The following GLIS3 variants were observed in gnomAD, a reference collection of about 807,000 sequenced individuals.
GLIS3 encodes zinc finger protein GLIS3.
In GLIS3, 53 loss-of-function variants were observed where a neutral mutation model predicts 78.6. That is an observed-to-expected ratio of 0.67 (90% CI 0.54 to 0.85). The LOEUF is 0.85. Ranked by LOEUF, GLIS3 falls within the 40% of genes least tolerant of loss-of-function variation. The pLI is 0.00. For missense variants in GLIS3, 1,703 were observed against 1,231.1 expected (o/e 1.38, Z -5.74); for synonymous variants, 684 against 509.9 (o/e 1.34, Z -4.60).
At chr9:4,375,250 A>C in the GLIS3 span, among the ~76,000 whole-genome samples, 7 of 152,262 alleles carry the variant, frequency 4.6e-5, no homozygotes, top group Non-Finnish European at 1.0e-4. Flanking sequence ...AACTCCCAAC[A>C]TCAGAATGAC....
At chr9:4,372,536 T>C in the GLIS3 span, among the ~76,000 whole-genome samples, 1 of 138,286 alleles carries the variant, frequency 7.2e-6, no homozygotes, top group Non-Finnish European at 1.5e-5. Context: ...AATACTCCTC[T>C]GCACAGTGAC....
chr9:4,297,999 G>C (rs1361391280), intron 1 of GLIS3, among the ~76,000 whole-genome samples: 1 of 152,156 alleles, frequency 6.6e-6, no homozygotes, highest in Non-Finnish European at 1.5e-5. Context: ...CTGCGACCCC[G>C]TCACTCCCCC....
chr9:3,828,190 C>G lies in GLIS3; in HGVS notation c.*82G>C. ...CGCTGATTGGGCTGACATCCTTCCT[C>G]AAGCAGTCTGTGAGAGTACGAAAAC... On this transcript the variant is annotated 3_prime_UTR_variant, in exon 11 of 11. Transcript: ENST00000381971. 6.5e-7 allele frequency: 1 copy of G among 1,539,986 alleles called. No individual in the cohort carries two copies. The highest frequency in any genetic ancestry group is 9.0e-7 in the Non-Finnish European group (1 of 1,116,372).
chr9:4,010,647 A>G (rs529888512), intron 4 of GLIS3, among the ~76,000 whole-genome samples: 3 of 152,320 alleles, frequency 2.0e-5, no homozygotes, highest in African/African-American at 7.2e-5. Context: ...TGGTGTCATA[A>G]GTGGCTGAGA....
chr9:4,426,640 T>A, the GLIS3 span, among the ~76,000 whole-genome samples: 3 of 152,246 alleles, frequency 2.0e-5, no homozygotes, highest in Non-Finnish European at 4.4e-5. Flanking sequence ...CCATCCATCA[T>A]GGATTATTTG....
intron 2 of GLIS3, among the ~76,000 whole-genome samples, chr9:4,326,714 C>T (rs1817605246): frequency 6.6e-6 from 1 of 151,980 alleles, no homozygotes; most frequent in Non-Finnish European, 1.5e-5. Context: ...TATATTTTAT[C>T]ACAATAAAAA....
chr9:4,287,576 G>T (rs1828110496), intron 1 of GLIS3, among the ~76,000 whole-genome samples: 1 of 152,206 alleles, frequency 6.6e-6, no homozygotes, highest in Admixed American at 6.5e-5. Flanking sequence ...GACAGTCATG[G>T]AAAGAAGCCA....
chr9:4,401,699 C>T, the GLIS3 span, among the ~76,000 whole-genome samples: 2 of 151,950 alleles, frequency 1.3e-5, no homozygotes, highest in African/African-American at 4.8e-5. Flanking sequence ...TCAAGTGATT[C>T]TCATGCCTCA....
chr9:3,963,658 CAT>C (rs1817729281), intron 4 of GLIS3, among the ~76,000 whole-genome samples: 1 of 152,034 alleles, frequency 6.6e-6, no homozygotes, highest in South Asian at 2.1e-4. Flanking sequence ...GCAGGGAGGT[CAT>C]TTAAAAGTTA....
chr9:4,032,547 C>G (rs1486120611), intron 4 of GLIS3, among the ~76,000 whole-genome samples: 1 of 152,052 alleles, frequency 6.6e-6, no homozygotes, highest in Non-Finnish European at 1.5e-5. Context: ...ATAAAACAAA[C>G]TGAAGGCGTA....
intron 4 of GLIS3, among the ~76,000 whole-genome samples, chr9:4,050,561 G>A: frequency 6.6e-6 from 1 of 151,990 alleles, no homozygotes; most frequent in South Asian, 2.1e-4. Flanking sequence ...CAAACCTGCA[G>A]CTTGTGCACA....
At chr9:3,945,715 A>C (rs1304594064) in intron 4 of GLIS3, among the ~76,000 whole-genome samples, 1 of 152,240 alleles carries the variant, frequency 6.6e-6, no homozygotes, top group African/African-American at 2.4e-5. Flanking sequence ...CTATGACTTT[A>C]GTTTCTCCAA....
chr9:4,376,076 A>G, the GLIS3 span, among the ~76,000 whole-genome samples: 1 of 152,154 alleles, frequency 6.6e-6, no homozygotes, highest in African/African-American at 2.4e-5. Flanking sequence ...CAAAATATAA[A>G]GCCTTATGAT....
intron 4 of GLIS3, among the ~76,000 whole-genome samples, chr9:4,109,366 T>C (rs1831028243): frequency 6.6e-6 from 1 of 152,244 alleles, no homozygotes; most frequent in South Asian, 2.1e-4. Flanking sequence ...ACTGATCAAA[T>C]AACTTTGGTC....
intron 2 of GLIS3, among the ~76,000 whole-genome samples, chr9:4,269,817 C>A (rs547564344): frequency 2.8e-4 from 43 of 152,148 alleles, no homozygotes; most frequent in Non-Finnish European, 1.2e-4. Context: ...CAGGTTTAGA[C>A]GGAGGGCAGG....
the GLIS3 span, among the ~76,000 whole-genome samples, chr9:4,392,036 G>A: frequency 2.0e-5 from 3 of 152,150 alleles, no homozygotes; most frequent in Non-Finnish European, 1.5e-5. Flanking sequence ...TAAAGAAAAT[G>A]TGGTACATTA....
chr9:4,100,197 C>T (rs1303458399), intron 4 of GLIS3, among the ~76,000 whole-genome samples: 7 of 152,246 alleles, frequency 4.6e-5, no homozygotes, highest in African/African-American at 1.4e-4. Context: ...GTGTAGTATG[C>T]GGGTACTAGG....
intron 4 of GLIS3, among the ~76,000 whole-genome samples, chr9:4,047,954 G>A (rs1361242683): frequency 6.6e-6 from 1 of 152,188 alleles, no homozygotes; most frequent in African/African-American, 2.4e-5. Flanking sequence ...GCCTAAGGAG[G>A]TCTTTGTTCT....
At chr9:4,255,406 A>T (rs1824829036) in intron 2 of GLIS3, among the ~76,000 whole-genome samples, 2 of 152,180 alleles carry the variant, frequency 1.3e-5, no homozygotes, top group South Asian at 4.1e-4. Context: ...CACAAAAAAA[A>T]CCTGTACATA....
Sources: gnomAD v4.1 joint callset for allele counts (sites outside exome capture counted in the v4.1 genomes callset) on GRCh38, gnomAD v4.1.1 for gene constraint, MANE v1.5 for transcripts, NCBI Gene and HGNC (gene_info 2026-07-23, HGNC 2026-07-21) for gene names.